The following GSTA2 variants were observed in gnomAD, a reference collection of about 807,000 sequenced individuals.
GSTA2 encodes glutathione S-transferase alpha 2, also known as glutathione S-transferase A2.
A neutral mutation model predicts 22.4 loss-of-function variants in GSTA2; 27 were observed. The observed-to-expected ratio is 1.21, with a 90% CI of 0.89 to 1.67. GSTA2 has a LOEUF of 1.67. GSTA2 is among the 40% of genes most tolerant of loss of function. The pLI is 0.00. For synonymous variants in GSTA2, 121 were observed against 86.8 expected (o/e 1.39, Z -2.19); for missense variants, 302 against 260.2 (o/e 1.16, Z -1.11).
At position 52,751,705 on chromosome 6, in the gene GSTA2, A is replaced by G; in HGVS notation, c.418T>C (p.Leu140=). 6.2e-7 allele frequency: 1 copy of G among 1,614,130 alleles called. No individual in the cohort carries two copies. Among genetic ancestry groups the G allele is most frequent in the Non-Finnish European group, 8.5e-7 (1 of 1,179,988 alleles). ...NRYFPAFEKV[L]KSHGQDYLVG... is the part of the protein sequence containing the mutation. The stretch of plus-strand genomic sequence containing the variant: ...AGGTAGTCTTGTCCGTGGCTCTTTA[A>G]GACCTGGAGAATGGGAGGAATCAGA... Residue 140 remains leucine (L), a synonymous_variant, in exon 6 of 7, where the codon TTA becomes CTA. Coordinates refer to ENST00000493422, the MANE Select transcript of GSTA2 (RefSeq NM_000846.5).
Position 52,757,726 on chromosome 6 carries a change from T to A in GSTA2, c.87+135A>T. The stretch of plus-strand genomic sequence containing the variant: ...AGAATTAATAGGTCAAATCTGTTCA[T>A]CTTTTTCTTAATTACAGTCCCTTTT... On this transcript the variant is annotated intron_variant, in intron 2 of 6. Coordinates refer to ENST00000493422, the MANE Select transcript of GSTA2 (RefSeq NM_000846.5). 3.9e-6 allele frequency: 3 copies of A among 771,142 alleles called. No homozygotes were observed. The South Asian group carries it at 4.8e-5, about 12-fold the overall frequency. 47.8% of individuals were successfully genotyped at this position (771,142 alleles called of 1,614,324 possible). A position where few individuals can be genotyped will look rare whatever the true frequency, so the allele number is the denominator to read the frequency against.
chr6:52,757,942 T>A lies in GSTA2; in HGVS notation c.6A>T (p.Ala2=). The A allele has an allele frequency of 1.9e-6, 3 of 1,612,800 alleles. No individual in the cohort carries two copies. The highest frequency in any genetic ancestry group is 2.5e-6 in the Non-Finnish European group (3 of 1,178,876). Residue 2 remains alanine (A), a synonymous_variant, in exon 2 of 7, where the codon GCA becomes GCT. Transcript: ENST00000493422. ...TGGAGTAGTGGAGCTTGGGCTTCTCTGCCATGGTAGCAGTCTCCTGGAGGT... is the reference window on the plus strand; with the variant it reads ...TGGAGTAGTGGAGCTTGGGCTTCTCAGCCATGGTAGCAGTCTCCTGGAGGT... M[A]EKPKLHYSNI...
intron 2 of GSTA2, 85 bp downstream of exon 2, chr6:52,757,776 A>G: frequency 8.9e-7 from 1 of 1,124,032 alleles, no homozygotes; most frequent in Non-Finnish European, 1.4e-6. Flanking sequence ...TGCTTCAGTT[A>G]GTAATCATCT....
chr6:52,761,285 T>C (rs1762945630), intron 1 of GSTA2, among the ~76,000 whole-genome samples: 1 of 152,204 alleles, frequency 6.6e-6, no homozygotes, highest in Non-Finnish European at 1.5e-5. Flanking sequence ...TTGATCTATC[T>C]ATCCACCAAT....
chr6:52,753,507 C>T (rs1194487561), intron 4 of GSTA2, among the ~76,000 whole-genome samples: 23 of 152,180 alleles, frequency 1.5e-4, no homozygotes, highest in Non-Finnish European at 1.5e-5. Flanking sequence ...CTTCTATGCC[C>T]CATATTTGCA....
At chr6:52,751,011 A>T (rs73740507) in intron 6 of GSTA2, among the ~76,000 whole-genome samples, 27 of 152,338 alleles carry the variant, frequency 1.8e-4, no homozygotes, top group African/African-American at 6.5e-4. Context: ...GTTTGATATC[A>T]GCACAGATCA....
intron 3 of GSTA2, 61 bp from the exon 4 acceptor site, chr6:52,755,136 A>G: frequency 1.3e-6 from 2 of 1,573,180 alleles, no homozygotes; most frequent in Non-Finnish European, 8.6e-7. Context: ...TTTCAGGATG[A>G]AAAAAAATGG....
At chr6:52,762,989 T>G (rs1489762963) in intron 1 of GSTA2, among the ~76,000 whole-genome samples, 1 of 152,218 alleles carries the variant, frequency 6.6e-6, no homozygotes, top group Non-Finnish European at 1.5e-5. Flanking sequence ...AATCTAGTCC[T>G]CCTAACATTC....
chr6:52,754,463 G>A (rs767768393), intron 4 of GSTA2, among the ~76,000 whole-genome samples: 4 of 152,142 alleles, frequency 2.6e-5, no homozygotes, highest in East Asian at 1.9e-4. Flanking sequence ...CCCTGCTCAA[G>A]TATTCCAGTT....
Position 52,756,394 on chromosome 6 carries a change from A to C in GSTA2, c.88-85T>G, listed in dbSNP as rs1175592294. 6 of 1,076,926 alleles carry C rather than the reference A, an allele frequency of 5.6e-6. No homozygotes were observed. The East Asian group carries it at 1.5e-4, about 26-fold the overall frequency. 66.7% of individuals were successfully genotyped at this position (1,076,926 alleles called of 1,614,324 possible). A position where few individuals can be genotyped will look rare whatever the true frequency, so the allele number is the denominator to read the frequency against. On this transcript the variant is annotated intron_variant, in intron 2 of 6. Coordinates refer to ENST00000493422, the MANE Select transcript of GSTA2 (RefSeq NM_000846.5). ...TTGAATGGCCTCTATCTGGTGCATC[A>C]TTTGGAGAATATAAGATTTCTGAGT...
At chr6:52,759,893 G>C (rs55748023) in intron 1 of GSTA2, among the ~76,000 whole-genome samples, 2,727 of 152,026 alleles carry the variant, frequency 0.018, 87 homozygotes, top group African/African-American at 0.061. Context: ...CTCAACTAAT[G>C]TATTTCTAAA....
rs189078130 is a variant in GSTA2, at chr6:52,762,870, A to C, written c.-31+574T>G. ...AAAGAATTACACAGTTCGCAGCAAC[A>C]GTCAGAGCCTCTTTCTTAGCTATTC... On this transcript the variant is annotated intron_variant, in intron 1 of 6. Transcript: ENST00000493422. Among the ~76,000 whole-genome samples, 143 of 152,352 alleles carry C rather than the reference A, an allele frequency of 9.4e-4. 4 individuals carry two copies. Among genetic ancestry groups the C allele is most frequent in the Non-Finnish European group, 2.8e-4 (19 of 68,032 alleles).
At chr6:52,754,364 C>T (rs1460130694) in intron 4 of GSTA2, among the ~76,000 whole-genome samples, 32 of 152,254 alleles carry the variant, frequency 2.1e-4, no homozygotes, top group African/African-American at 6.7e-4. Context: ...GACCCCTTGG[C>T]TTTGCTGGTA....
intron 1 of GSTA2, among the ~76,000 whole-genome samples, chr6:52,759,634 C>T (rs1762920141): frequency 8.8e-6 from 1 of 113,012 alleles, no homozygotes; most frequent in South Asian, 3.1e-4. Context: ...GCCCAGGCTG[C>T]AGTGCAATGG....
intron 4 of GSTA2, 137 bp from the exon 5 acceptor site, chr6:52,753,132 T>C: frequency 2.7e-6 from 2 of 742,354 alleles, no homozygotes; most frequent in Non-Finnish European, 4.3e-6. Flanking sequence ...AGTCTAGTCA[T>C]TATGCTCTGA....
At chr6:52,758,212 T>G (rs1319160328) in intron 1 of GSTA2, among the ~76,000 whole-genome samples, 1 of 152,188 alleles carries the variant, frequency 6.6e-6, no homozygotes, top group Non-Finnish European at 1.5e-5. Context: ...TGAATTTTCT[T>G]GGCAGCCTAA....
intron 4 of GSTA2, among the ~76,000 whole-genome samples, 190 bp from the exon 5 acceptor site, chr6:52,753,185 A>G (rs1175461240): frequency 6.6e-6 from 1 of 151,686 alleles, no homozygotes; most frequent in Non-Finnish European, 1.5e-5. Context: ...TTTTACAGGT[A>G]TATTAACATT....
chr6:52,751,633 G>A lies in GSTA2; in HGVS notation c.490C>T (p.Leu164Phe), dbSNP rs1762738351. Residue 164 changes from leucine to phenylalanine, a missense_variant, in exon 6 of 7, where the codon CTC becomes TTC. Physicochemically the swap from Leu to Phe is conservative, Grantham distance 22 (BLOSUM62 0). Coordinates refer to ENST00000493422, the MANE Select transcript of GSTA2 (RefSeq NM_000846.5). Reference protein sequence around the residue: ...SRADIHLVELLYYVEELDSSL... With the variant: ...SRADIHLVELFYYVEELDSSL... ...GAGTCAAGCTCTTCCACGTAGTAGA[G>A]AAGTTCCACCAGGTGAATGTCAGCC... is the stretch of plus-strand genomic sequence containing the variant. 9 of 1,614,160 alleles carry A rather than the reference G, an allele frequency of 5.6e-6. No homozygotes were observed. The highest frequency in any genetic ancestry group is 2.7e-5 in the African/African-American group (2 of 75,048).
Position 52,757,855 on chromosome 6 carries a change from A to T in GSTA2, c.87+6T>A, listed in dbSNP as rs1581775476. ...CTGACTTAAGATGACCTAACTCAGA[A>T]CCTACCTCTACTCCAGCTGCAGCCA... On this transcript the variant is annotated splice_donor_region_variant and intron_variant, in intron 2 of 6. Transcript: ENST00000493422. 6.2e-7 allele frequency: 1 copy of T among 1,611,370 alleles called. No homozygotes were observed. The highest frequency in any genetic ancestry group is 1.3e-5 in the African/African-American group (1 of 74,836).
Sources: allele counts gnomAD v4.1 joint callset (sites outside exome capture counted in the v4.1 genomes callset), GRCh38; gene constraint gnomAD v4.1.1; transcripts MANE v1.5; gene names NCBI Gene and HGNC (gene_info 2026-07-23, HGNC 2026-07-21).